EPB41L5: variants seen among roughly 807,000 people sequenced by gnomAD.
EPB41L5 encodes the protein erythrocyte membrane protein band 4.1 like 5.
In EPB41L5, 55 loss-of-function variants were observed where a neutral mutation model predicts 106.6. The ratio of observed to expected loss-of-function variants is 0.52; its 90% CI spans 0.42 to 0.65. The LOEUF (loss-of-function observed/expected upper bound fraction) is 0.65, where lower values mean the gene tolerates loss of function less well. Ranked by LOEUF, EPB41L5 falls within the 30% of genes least tolerant of loss-of-function variation. EPB41L5 has a pLI of 0.00. For missense variants in EPB41L5, 871 were observed against 882.1 expected (o/e 0.99, Z 0.16); for synonymous variants, 297 against 306.7 (o/e 0.97, Z 0.33).
chr2:120,052,169 T>G (rs1680331613), intron 3 of EPB41L5, among the ~76,000 whole-genome samples: 1 of 152,214 alleles, frequency 6.6e-6, no homozygotes, highest in Non-Finnish European at 1.5e-5. Context: ...GCCTTTAACC[T>G]GGAGTACTGC....
At chr2:120,173,671 A>C (rs1187291652) in intron 24 of EPB41L5, among the ~76,000 whole-genome samples, 1 of 152,206 alleles carries the variant, frequency 6.6e-6, no homozygotes, top group Non-Finnish European at 1.5e-5. Context: ...ATGTACTTTG[A>C]TATCGTTTTA....
chr2:120,142,117 A>T lies in EPB41L5; in HGVS notation c.1600-886A>T, dbSNP rs77279920. On this transcript the variant is annotated intron_variant, in intron 18 of 24. Transcript: ENST00000263713. ...TAGTCTCTGTGCTTTCTTTTTTAAA[A>T]AAAAAAAAAAAAAAAAACAAGGTAA... 7.2e-4 allele frequency among the ~76,000 whole-genome samples: 15 copies of T among 20,730 alleles called. No individual in the cohort carries two copies. The South Asian group carries it at 0.017, about 23-fold the overall frequency. The allele number at this position is 20,730 out of a possible 152,430, so 13.6% of individuals were successfully genotyped here. A position where few individuals can be genotyped will look rare whatever the true frequency, so the allele number is the denominator to read the frequency against.
intron 16 of EPB41L5, chr2:120,108,375 T>A (rs1335435809): frequency 1.3e-5 from 2 of 152,152 alleles, no homozygotes; most frequent in Non-Finnish European, 2.9e-5. Context: ...GGAAGTTTTA[T>A]TTGTTTTGTT....
chr2:120,058,749 G>A (rs760009060), intron 3 of EPB41L5, among the ~76,000 whole-genome samples: 1 of 152,132 alleles, frequency 6.6e-6, no homozygotes, highest in Non-Finnish European at 1.5e-5. Context: ...AGGCTAAATT[G>A]TCTATTTTTA....
chr2:120,037,052 A>G (rs1679081563), intron 2 of EPB41L5, among the ~76,000 whole-genome samples: 2 of 152,150 alleles, frequency 1.3e-5, no homozygotes, highest in South Asian at 4.1e-4. Context: ...TCTCTATTTA[A>G]GATGACATGA....
At chr2:120,043,803 A>G (rs1403339471) in intron 3 of EPB41L5, among the ~76,000 whole-genome samples, 3 of 152,158 alleles carry the variant, frequency 2.0e-5, no homozygotes, top group Non-Finnish European at 2.9e-5. Context: ...GGAGTGGTAG[A>G]AGTAGTCATA....
At chr2:120,125,623 C>T (rs1307280050) in intron 16 of EPB41L5, among the ~76,000 whole-genome samples, 1 of 152,072 alleles carries the variant, frequency 6.6e-6, no homozygotes, top group African/African-American at 2.4e-5. Flanking sequence ...TTTACAATGC[C>T]CCATTCTCCT....
intron 20 of EPB41L5, among the ~76,000 whole-genome samples, chr2:120,147,968 A>G (rs959806618): frequency 2.0e-5 from 3 of 151,814 alleles, no homozygotes; most frequent in Admixed American, 6.6e-5. Context: ...CTTTTAATCT[A>G]TTTTCCCCAT....
chr2:120,082,094 C>A (rs1046068379), intron 10 of EPB41L5, among the ~76,000 whole-genome samples: 1 of 152,040 alleles, frequency 6.6e-6, no homozygotes, highest in Non-Finnish European at 1.5e-5. Context: ...AATTGAATAG[C>A]CTTTATTTCT....
chr2:120,050,837 G>T (rs1680205572), intron 3 of EPB41L5, among the ~76,000 whole-genome samples: 1 of 152,148 alleles, frequency 6.6e-6, no homozygotes, highest in Admixed American at 6.5e-5. Context: ...TGGGGTTTTG[G>T]TGTGGATGTC....
At chr2:120,034,077 C>G (rs1678891793) in intron 2 of EPB41L5, among the ~76,000 whole-genome samples, 1 of 152,206 alleles carries the variant, frequency 6.6e-6, no homozygotes, top group Non-Finnish European at 1.5e-5. Context: ...GCCTGGACAA[C>G]AGAGTTGTCC....
At chr2:120,100,437 C>A in intron 15 of EPB41L5, 151 bp downstream of exon 15, 2 of 774,992 alleles carry the variant, frequency 2.6e-6, no homozygotes, top group Non-Finnish European at 4.2e-6. Context: ...TCAGTAATAA[C>A]TTCCGGTTAT....
intron 16 of EPB41L5, among the ~76,000 whole-genome samples, chr2:120,117,526 A>G (rs1359647369): frequency 2.0e-5 from 3 of 152,342 alleles, no homozygotes; most frequent in Admixed American, 6.5e-5. Flanking sequence ...TTTGACCAGC[A>G]GAGTATGAGA....
intron 1 of EPB41L5, among the ~76,000 whole-genome samples, chr2:120,016,358 A>G (rs1677527456): frequency 6.6e-6 from 1 of 152,036 alleles, no homozygotes; most frequent in Non-Finnish European, 1.5e-5. Flanking sequence ...TGAACCCGGC[A>G]GGTGGAGGTT....
At chr2:120,084,019 A>C (rs1574625615) in intron 10 of EPB41L5, among the ~76,000 whole-genome samples, 3 of 152,210 alleles carry the variant, frequency 2.0e-5, no homozygotes, top group African/African-American at 7.2e-5. Context: ...GGGTCTCCTG[A>C]ATACAGCACA....
At chr2:120,145,406 C>T (rs1422623927) in intron 19 of EPB41L5, among the ~76,000 whole-genome samples, 2 of 152,136 alleles carry the variant, frequency 1.3e-5, no homozygotes, top group Non-Finnish European at 2.9e-5. Flanking sequence ...ATCTCAAAGA[C>T]ATCTCCATGC....
intron 20 of EPB41L5, 182 bp from the exon 21 acceptor site, chr2:120,160,699 A>G: frequency 1.8e-6 from 1 of 561,208 alleles, no homozygotes. Flanking sequence ...AACCATTTTA[A>G]CTGGAGCGAG....
At chr2:120,095,713 G>A (rs933473734) in intron 14 of EPB41L5, among the ~76,000 whole-genome samples, 14 of 151,920 alleles carry the variant, frequency 9.2e-5, no homozygotes, top group Admixed American at 3.3e-4. Flanking sequence ...CTATCGCTCA[G>A]GTTGGAGTGC....
intron 2 of EPB41L5, among the ~76,000 whole-genome samples, chr2:120,030,602 G>A (rs751161569): frequency 6.6e-6 from 1 of 152,190 alleles, no homozygotes; most frequent in Non-Finnish European, 1.5e-5. Flanking sequence ...TGCCCAGGCT[G>A]AAGTGCAGTG....
Sources: gnomAD v4.1 joint callset for allele counts (sites outside exome capture counted in the v4.1 genomes callset) on GRCh38, gnomAD v4.1.1 for gene constraint, MANE v1.5 for transcripts, NCBI Gene and HGNC (gene_info 2026-07-23, HGNC 2026-07-21) for gene names.